The following TAAR1 variants were observed in gnomAD, a reference collection of about 807,000 sequenced individuals.
TAAR1 encodes the protein trace amine associated receptor 1.
Under a neutral mutation model 1.2 loss-of-function variants are expected in TAAR1, and 1 was observed. The observed-to-expected ratio is 0.81, with a 90% confidence interval of 0.29 to 3.86. The LOEUF (loss-of-function observed/expected upper bound fraction) is 3.86. Among genes scored for constraint, TAAR1 ranks in the 30% most tolerant of loss-of-function variants. The pLI is 0.18. For synonymous variants in TAAR1, 153 were observed against 132.2 expected (o/e 1.16, Z -1.08); for missense variants, 445 against 405.6 (o/e 1.10, Z -0.83).
intron 1 of TAAR1, among the ~76,000 whole-genome samples, chr6:132,657,990 T>C (rs1363356834): frequency 7.0e-6 from 1 of 143,770 alleles, no homozygotes; most frequent in African/African-American, 2.9e-5. Context: ...TTGACTTGTA[T>C]AATTCTTTGC....
chr6:132,648,376 A>C (rs779044639), intron 1 of TAAR1, among the ~76,000 whole-genome samples: 2 of 152,188 alleles, frequency 1.3e-5, no homozygotes, highest in Non-Finnish European at 2.9e-5. Context: ...TTCAAAAAGA[A>C]GTAAGGGAAG....
chr6:132,649,570 G>A (rs559017622), intron 1 of TAAR1, among the ~76,000 whole-genome samples: 12 of 152,228 alleles, frequency 7.9e-5, no homozygotes, highest in Admixed American at 2.6e-4. Flanking sequence ...TCACAGTTCC[G>A]CAGGGCTGGG....
Position 132,645,105 on chromosome 6 carries a change from T to C in TAAR1, c.899A>G (p.Asn300Ser), listed in dbSNP as rs748356783. The change falls in exon 2 of 2, where the codon AAT (asparagine) becomes AGT (serine). Residue 300 changes from asparagine (N) to serine (S), a missense_variant. Transcript: ENST00000275216. ...ATAGAAAAATGCATAAACCATTGGATTAAATGTAGAGTTCAAGTAGCCAAA... is the reference window on the plus strand; with the variant it reads ...ATAGAAAAATGCATAAACCATTGGACTAAATGTAGAGTTCAAGTAGCCAAA... ...IWFGYLNSTFNPMVYAFFYPW... is the reference protein window; with the variant it reads ...IWFGYLNSTFSPMVYAFFYPW... 6.2e-7 allele frequency: 1 copy of C among 1,612,968 alleles called. No homozygotes were observed. Among genetic ancestry groups the C allele is most frequent in the Non-Finnish European group, 8.5e-7 (1 of 1,179,518 alleles).
chr6:132,647,362 GCACACACACACACACA>G (rs55908881), intron 1 of TAAR1, among the ~76,000 whole-genome samples: 12 of 140,580 alleles, frequency 8.5e-5, no homozygotes, highest in Non-Finnish European at 7.6e-5. Context: ...ACATACGCAT[GCACACACACACACACA>G]CACACACACA....
chr6:132,658,362 A>G (rs937938320), intron 1 of TAAR1, among the ~76,000 whole-genome samples: 9 of 152,124 alleles, frequency 5.9e-5, no homozygotes, highest in Non-Finnish European at 1.2e-4. Flanking sequence ...CAAACCAACA[A>G]ATAAGAGTAA....
intron 1 of TAAR1, among the ~76,000 whole-genome samples, chr6:132,647,407 A>G (rs1382107794): frequency 6.7e-6 from 1 of 149,674 alleles, no homozygotes; most frequent in African/African-American, 2.5e-5. Context: ...TATAACACAT[A>G]CACAGACATG....
In TAAR1 at chr6:132,645,222, AG is replaced by A. The variant is rs2114270119; in HGVS notation, c.781del (p.Leu261Ter). The A allele has an allele frequency of 6.2e-7, 1 of 1,613,646 alleles. No homozygotes were observed. On this transcript the variant is annotated frameshift_variant, in exon 2 of 2. Coordinates refer to ENST00000275216, the MANE Select transcript of TAAR1 (RefSeq NM_138327.4). LOFTEE classifies it high-confidence loss of function. ...KTLGIVMGVFLICWCPFFICT... is the reference protein window; with the variant it reads ...KTLGIVMGVFXICWCPFFICT... The stretch of plus-strand genomic sequence containing the variant: ...GATAAAGAAAGGGCACCAGCATATT[AG>A]GAAAACTCCCATCACAATCCCCAAT...
chr6:132,657,302 T>A (rs1437007480), intron 1 of TAAR1, among the ~76,000 whole-genome samples: 2 of 151,958 alleles, frequency 1.3e-5, no homozygotes, highest in Non-Finnish European at 2.9e-5. Flanking sequence ...ATTGTTTGAA[T>A]CAGCTCCGTT....
At chr6:132,648,183 T>C (rs565959854) in intron 1 of TAAR1, among the ~76,000 whole-genome samples, 1 of 152,340 alleles carries the variant, frequency 6.6e-6, no homozygotes, top group African/African-American at 2.4e-5. Flanking sequence ...ATATATTTTC[T>C]AGTTAGACTT....
Position 132,645,154 on chromosome 6 carries a change from T to C in TAAR1, c.850A>G (p.Thr284Ala), listed in dbSNP as rs1777647551. The stretch of plus-strand genomic sequence containing the variant: ...AACCAAATCAATACATCATTCAAAG[T>C]AGGTGGAATAATGTAGTGAAGAAAA... Reference protein sequence around the residue: ...DPFLHYIIPPTLNDVLIWFGY... With the variant: ...DPFLHYIIPPALNDVLIWFGY... The change falls in exon 2 of 2, where the codon ACT (threonine) becomes GCT (alanine). Residue 284 changes from threonine (T) to alanine (A), a missense_variant. Thr to Ala is a moderately conservative substitution (Grantham distance 58, BLOSUM62 0). Transcript: ENST00000275216. The C allele has an allele frequency of 2.5e-6, 4 of 1,612,736 alleles. No homozygotes were observed. Among genetic ancestry groups the C allele is most frequent in the African/African-American group, 1.3e-5 (1 of 74,804 alleles).
chr6:132,649,323 T>C (rs1412272717), intron 1 of TAAR1, among the ~76,000 whole-genome samples: 1 of 152,178 alleles, frequency 6.6e-6, no homozygotes, highest in Non-Finnish European at 1.5e-5. Context: ...ACCTTGTCAA[T>C]GGCGGCTGTT....
rs1258069904 is a variant in TAAR1, at chr6:132,643,627, A to G, written c.*1357T>C. On this transcript the variant is annotated 3_prime_UTR_variant, in exon 2 of 2. Coordinates refer to ENST00000275216, the MANE Select transcript of TAAR1 (RefSeq NM_138327.4). ...CAGAAATTTATACGCAGCAGTGTGC[A>G]TTTAGTTACGTTTAAAATCATTTGC... Among the ~76,000 whole-genome samples the G allele has an allele frequency of 6.6e-6, 1 of 152,000 alleles. No homozygotes were observed. The highest frequency in any genetic ancestry group is 1.5e-5 in the Non-Finnish European group (1 of 67,930).
intron 1 of TAAR1, among the ~76,000 whole-genome samples, chr6:132,650,612 G>GA (rs892251458): frequency 2.0e-5 from 3 of 152,034 alleles, no homozygotes; most frequent in African/African-American, 7.2e-5. Flanking sequence ...CTGTTTCACT[G>GA]AAAAAAGTGA....
At chr6:132,648,161 A>G (rs9389023) in intron 1 of TAAR1, among the ~76,000 whole-genome samples, 25,637 of 152,082 alleles carry the variant, frequency 0.17, 4,665 homozygotes, top group African/African-American at 0.45. Context: ...ACTAAACTCA[A>G]TCAGTTAAGT....
intron 1 of TAAR1, among the ~76,000 whole-genome samples, chr6:132,655,578 G>A (rs979033861): frequency 6.6e-6 from 1 of 151,980 alleles, no homozygotes; most frequent in Admixed American, 6.6e-5. Context: ...AATGCCTGGG[G>A]CTCCAAGCAA....
rs1361565035 is a variant in TAAR1, at chr6:132,645,478, C to T, written c.526G>A (p.Val176Ile). ...ACAGAGCAACCTCCTCTGCAGTGAA[C>T]ATGTTTGTAATATATCTCTTCAGCG... Reference protein sequence around the residue: ...KGAEEIYYKHVHCRGGCSVFF... With the variant: ...KGAEEIYYKHIHCRGGCSVFF... Residue 176 changes from valine to isoleucine, a missense_variant, in exon 2 of 2, where the codon GTT (valine) becomes ATT (isoleucine). Transcript: ENST00000275216. 8 of 1,613,652 alleles carry T rather than the reference C, an allele frequency of 5.0e-6. No homozygotes were observed. The highest frequency in any genetic ancestry group is 5.9e-6 in the Non-Finnish European group (7 of 1,179,832).
chr6:132,647,409 A>G (rs1777687177), intron 1 of TAAR1, among the ~76,000 whole-genome samples: 1 of 149,852 alleles, frequency 6.7e-6, no homozygotes, highest in Non-Finnish European at 1.5e-5. Flanking sequence ...TAACACATAC[A>G]CAGACATGTA....
rs1777619210 is a variant in TAAR1 at position 132,643,331 on chromosome 6, T to A, written c.*1653A>T. ...TATAGAAAACTCACTAAATGCTTGTTTCCTTTTTAAAATTTGACAGACTGG... is the reference window on the plus strand; with the variant it reads ...TATAGAAAACTCACTAAATGCTTGTATCCTTTTTAAAATTTGACAGACTGG... On this transcript the variant is annotated 3_prime_UTR_variant, in exon 2 of 2. Transcript: ENST00000275216. Among the ~76,000 whole-genome samples, 1 of 151,976 alleles carries A rather than the reference T, an allele frequency of 6.6e-6. No individual in the cohort carries two copies. The highest frequency in any genetic ancestry group is 1.5e-5 in the Non-Finnish European group (1 of 67,938).
At chr6:132,647,372 A>ACACACACACACACATACGCATG (rs1777685914) in intron 1 of TAAR1, among the ~76,000 whole-genome samples, 1 of 149,592 alleles carries the variant, frequency 6.7e-6, no homozygotes, top group African/African-American at 2.5e-5. Context: ...GCACACACAC[A>ACACACACACACACATACGCATG]CACACACACA....
Sources: allele counts gnomAD v4.1 joint callset (sites outside exome capture counted in the v4.1 genomes callset), GRCh38; gene constraint gnomAD v4.1.1; transcripts MANE v1.5; gene names NCBI Gene and HGNC (gene_info 2026-07-23, HGNC 2026-07-21).